NEGR1: variants seen among roughly 807,000 people sequenced by gnomAD.
The protein encoded by NEGR1 is neuronal growth regulator 1.
A neutral mutation model predicts 40.9 loss-of-function variants in NEGR1; 10 were observed. The observed-to-expected ratio is 0.24, with a 90% CI of 0.15 to 0.42. The LOEUF (loss-of-function observed/expected upper bound fraction) is 0.42. Among genes scored for constraint, NEGR1 ranks in the 10% least tolerant of loss-of-function variants. The probability of loss-of-function intolerance (pLI) is 1.00; values close to 1 mark genes in which losing one functional copy is unlikely to be tolerated. For missense variants in NEGR1, 352 were observed against 438.9 expected, an observed-to-expected ratio of 0.80 and a Z score of 1.77; for synonymous variants, 185 against 166.8, an observed-to-expected ratio of 1.11 and a Z score of -0.84.
chr1:72,157,077 C>T (rs1430577245), intron 1 of NEGR1, among the ~76,000 whole-genome samples: 1 of 152,096 alleles, frequency 6.6e-6, no homozygotes, highest in African/African-American at 2.4e-5. Flanking sequence ...ATCCTCCTAC[C>T]TCAGCTTCCT....
chr1:71,893,974 A>C (rs1303651425), intron 2 of NEGR1, among the ~76,000 whole-genome samples: 1 of 62,224 alleles, frequency 1.6e-5, no homozygotes, highest in Admixed American at 1.9e-4. Context: ...TCGCAAGAAC[A>C]AAAAACCAAA....
intron 1 of NEGR1, among the ~76,000 whole-genome samples, chr1:71,946,464 G>GT (rs1445007017): frequency 2.6e-5 from 4 of 151,982 alleles, no homozygotes; most frequent in African/African-American, 4.8e-5. Context: ...AAATAAAACC[G>GT]TAAGTTCTCA....
chr1:72,122,879 C>T (rs1206349728), intron 1 of NEGR1, among the ~76,000 whole-genome samples: 1 of 151,824 alleles, frequency 6.6e-6, no homozygotes, highest in Non-Finnish European at 1.5e-5. Flanking sequence ...AACTGGAACA[C>T]AGTATTTTCA....
At chr1:71,773,872 T>G (rs1176309378) in intron 3 of NEGR1, among the ~76,000 whole-genome samples, 1 of 152,160 alleles carries the variant, frequency 6.6e-6, no homozygotes, top group Non-Finnish European at 1.5e-5. Flanking sequence ...CATTCCTATT[T>G]AATTAAACTA....
intron 1 of NEGR1, among the ~76,000 whole-genome samples, chr1:72,040,561 C>G (rs1250236606): frequency 1.2e-5 from 1 of 82,156 alleles, no homozygotes; most frequent in Non-Finnish European, 2.2e-5. Flanking sequence ...TTGGCAAGCA[C>G]AGTAAGAGCA....
intron 6 of NEGR1, among the ~76,000 whole-genome samples, chr1:71,414,678 C>T (rs1646343773): frequency 6.6e-6 from 1 of 152,158 alleles, no homozygotes; most frequent in Non-Finnish European, 1.5e-5. Context: ...AGAGCTTTGT[C>T]TGTGTGAATA....
chr1:72,216,590 A>C (rs1305876138), intron 1 of NEGR1, among the ~76,000 whole-genome samples: 2 of 151,054 alleles, frequency 1.3e-5, no homozygotes, highest in Non-Finnish European at 3.0e-5. Context: ...ATTAGGATTT[A>C]CCACATATAA....
intron 1 of NEGR1, among the ~76,000 whole-genome samples, chr1:71,977,755 T>C (rs1444770162): frequency 2.4e-5 from 1 of 41,068 alleles, no homozygotes; most frequent in Non-Finnish European, 5.2e-5. Context: ...CTAAGGAAAA[T>C]AGTAGAAAAG....
intron 1 of NEGR1, among the ~76,000 whole-genome samples, chr1:71,986,892 C>T (rs1646399624): frequency 6.6e-6 from 1 of 152,152 alleles, no homozygotes; most frequent in Non-Finnish European, 1.5e-5. Context: ...AAGGAAATGA[C>T]AATTTTGCAG....
At chr1:71,947,015 G>C (rs1646025933) in intron 1 of NEGR1, among the ~76,000 whole-genome samples, 1 of 150,450 alleles carries the variant, frequency 6.6e-6, no homozygotes, top group East Asian at 2.0e-4. Flanking sequence ...TTGAGTCTGG[G>C]AGGTGGAGGT....
chr1:71,541,060 G>A (rs539698399), intron 6 of NEGR1, among the ~76,000 whole-genome samples: 8 of 151,552 alleles, frequency 5.3e-5, no homozygotes, highest in African/African-American at 1.7e-4. Flanking sequence ...ACCTCCACCC[G>A]GCCCCACCTC....
chr1:71,899,119 T>C (rs1661076625), intron 2 of NEGR1, among the ~76,000 whole-genome samples: 1 of 150,286 alleles, frequency 6.7e-6, no homozygotes. Context: ...GAATCCACTT[T>C]TGCAACTTCT....
intron 1 of NEGR1, among the ~76,000 whole-genome samples, chr1:72,011,067 T>A (rs1273571338): frequency 1.3e-5 from 2 of 152,140 alleles, no homozygotes; most frequent in Non-Finnish European, 2.9e-5. Context: ...TATTAAAAAC[T>A]AAATATTCCT....
rs548895991 is a variant in NEGR1, at chr1:71,457,164, T to TCCACC, written c.941-49599_941-49595dup. Reference sequence around the variant, plus strand: ...CTTCTACCCTTTGTCTACCACATTCTCCACCCCACCCCACCAGTGATTCCA... The same window carrying TCCACC: ...CTTCTACCCTTTGTCTACCACATTCTCCACCCCACCCCACCCCACCAGTGATTCCA... On this transcript the variant is annotated intron_variant, in intron 6 of 6. Transcript: ENST00000357731. Among the ~76,000 whole-genome samples the TCCACC allele has an allele frequency of 4.2e-3, 633 of 152,236 alleles. 8 individuals carry two copies. In the South Asian group the frequency reaches 0.057, roughly 14 times the overall value.
intron 6 of NEGR1, chr1:71,486,469 A>G (rs1379996048): frequency 6.6e-6 from 1 of 151,518 alleles, no homozygotes; most frequent in Non-Finnish European, 1.5e-5. Flanking sequence ...TGAAAGGACC[A>G]GGAGGGACAC....
chr1:71,716,693 A>T (rs1654290095), intron 3 of NEGR1, among the ~76,000 whole-genome samples: 1 of 152,180 alleles, frequency 6.6e-6, no homozygotes. Context: ...TATTCCTATG[A>T]GGTAAAGATA....
rs1056831051 is a variant in NEGR1, at chr1:71,732,970, A to G, written c.536-34831T>C. Reference sequence around the variant, plus strand: ...AAAAACAAACCCCACATAATTCCTTATTACTGGACTTCCAGAGCCTTTAAT... The same window carrying G: ...AAAAACAAACCCCACATAATTCCTTGTTACTGGACTTCCAGAGCCTTTAAT... On this transcript the variant is annotated intron_variant, in intron 3 of 6. Transcript: ENST00000357731. 1.2e-4 allele frequency among the ~76,000 whole-genome samples: 19 copies of G among 152,126 alleles called. 1 individual carries two copies. The highest frequency in any genetic ancestry group is 4.3e-4 in the African/African-American group (18 of 41,416).
intron 6 of NEGR1, among the ~76,000 whole-genome samples, chr1:71,590,845 A>C (rs1351751089): frequency 1.3e-5 from 2 of 152,198 alleles, no homozygotes; most frequent in African/African-American, 2.4e-5. Flanking sequence ...TTATTTATTC[A>C]TTAATCCATC....
intron 3 of NEGR1, among the ~76,000 whole-genome samples, chr1:71,719,775 C>T (rs944728536): frequency 2.0e-5 from 3 of 152,120 alleles, no homozygotes; most frequent in African/African-American, 7.2e-5. Context: ...ATCCCTCCCC[C>T]AGGCCCCCAC....
Sources: gnomAD v4.1 joint callset for allele counts (sites outside exome capture counted in the v4.1 genomes callset) on GRCh38, gnomAD v4.1.1 for gene constraint, MANE v1.5 for transcripts, NCBI Gene and HGNC (gene_info 2026-07-23, HGNC 2026-07-21) for gene names.